The following TG variants were observed in gnomAD, a reference collection of about 807,000 sequenced individuals.
TG encodes the protein thyroglobulin.
TG carries 270 observed loss-of-function variants against 324.7 expected under a neutral mutation model. The ratio of observed to expected loss-of-function variants is 0.83; its 90% CI spans 0.75 to 0.92. The LOEUF (loss-of-function observed/expected upper bound fraction) is 0.92, where lower values mean the gene tolerates loss of function less well. Ranked by LOEUF, TG falls within the 40% of genes least tolerant of loss-of-function variation. The pLI is 0.00. For missense variants in TG, 3,591 were observed against 3,456.4 expected (o/e 1.04, Z -0.98); for synonymous variants, 1,401 against 1,327.0 (o/e 1.06, Z -1.21).
In TG at chr8:133,022,068, C is replaced by T. The variant is rs748645110; in HGVS notation, c.6954C>T (p.Asp2318=). 8.7e-6 allele frequency: 14 copies of T among 1,614,064 alleles called. No individual in the cohort carries two copies. Among genetic ancestry groups the T allele is most frequent in the South Asian group, 3.3e-5 (3 of 91,088 alleles). ...AGAGTGAAGGATGGCCGGCTATCGA[C>T]GGCTCCTTCTTGGCTGCTGTTGGCA... The part of the protein sequence containing the change: ...REESEGWPAI[D]GSFLAAVGNL... The change falls in exon 40 of 48, where the codon GAC becomes GAT. Residue 2318 remains aspartate (D), a synonymous_variant. Coordinates refer to ENST00000220616, the MANE Select transcript of TG (RefSeq NM_003235.5).
intron 18 of TG, 73 bp from the exon 19 acceptor site, chr8:132,911,304 T>G (rs1353771364): frequency 1.2e-6 from 2 of 1,613,470 alleles, no homozygotes; most frequent in African/African-American, 2.7e-5. Flanking sequence ...CAAGTTCTGG[T>G]TCCTGGTGTG....
At chr8:133,038,510 G>C (rs377435106) in intron 41 of TG, 82 of 1,581,670 alleles carry the variant, frequency 5.2e-5, no homozygotes, top group Non-Finnish European at 6.5e-5. Flanking sequence ...ATGAACCATT[G>C]TGTCTGTTCT....
Position 133,011,765 on chromosome 8 carries a change from A to G in TG, c.6263-136A>G, listed in dbSNP as rs1245352578. The G allele has an allele frequency of 4.8e-6, 5 of 1,034,068 alleles. No individual in the cohort carries two copies. The African/African-American group carries it at 7.9e-5, about 16-fold the overall frequency. 64.1% of individuals were successfully genotyped at this position (1,034,068 alleles called of 1,614,324 possible). On this transcript the variant is annotated intron_variant, in intron 35 of 47. Transcript: ENST00000220616. ...GTAGAATGGAAAGATGGATCAAGCT[A>G]TAAGGTTGCACAGGAATGGAGACCA...
chr8:132,969,340 A>G (rs1012717226), intron 31 of TG, 118 bp from the exon 32 acceptor site: 28 of 759,526 alleles, frequency 3.7e-5, no homozygotes, highest in Middle Eastern at 3.4e-4. Context: ...GTTTAATATG[A>G]ATTTAATATG....
rs538653920 is a variant in TG, at chr8:132,939,123, G to A, written c.5042-2228G>A. ...GGTGCCCTATGTGGAAGATACCAAG[G>A]GGAGCTGAGATGTGGCCCTGGACTC... is the stretch of plus-strand genomic sequence containing the variant. On this transcript the variant is annotated intron_variant, in intron 25 of 47. Transcript: ENST00000220616. 2.2e-4 allele frequency among the ~76,000 whole-genome samples: 34 copies of A among 151,984 alleles called. No homozygotes were observed. In the South Asian group the frequency reaches 6.7e-3, roughly 30 times the overall value.
chr8:133,113,749 G>A (rs751511287), intron 44 of TG, 146 bp downstream of exon 44: 1 of 967,744 alleles, frequency 1.0e-6, no homozygotes, highest in Admixed American at 2.3e-5. Context: ...CTACAGCATG[G>A]GGAGTGTCCC....
At chr8:132,908,790 G>A (rs1439453312) in intron 18 of TG, among the ~76,000 whole-genome samples, 4 of 152,176 alleles carry the variant, frequency 2.6e-5, no homozygotes, top group Non-Finnish European at 4.4e-5. Context: ...TGAGAGGGAC[G>A]CTGGTGAGAT....
intron 8 of TG, among the ~76,000 whole-genome samples, chr8:132,883,400 TAAG>T (rs895560406): frequency 3.3e-5 from 5 of 152,070 alleles, no homozygotes; most frequent in African/African-American, 1.2e-4. Context: ...CAGAATCTTC[TAAG>T]AAGATGTTTC....
intron 43 of TG, among the ~76,000 whole-genome samples, chr8:133,099,874 T>C (rs2131675669): frequency 6.6e-6 from 1 of 152,290 alleles, no homozygotes; most frequent in South Asian, 2.1e-4. Flanking sequence ...TATTTGAGAT[T>C]TTTGTGCTAG....
At chr8:133,014,663 G>A (rs1404818512) in intron 37 of TG, among the ~76,000 whole-genome samples, 2 of 152,184 alleles carry the variant, frequency 1.3e-5, no homozygotes. Flanking sequence ...CCAAGTAGCA[G>A]CAGATTTGGC....
At chr8:133,000,551 C>T (rs753615514) in intron 35 of TG, among the ~76,000 whole-genome samples, 1 of 152,190 alleles carries the variant, frequency 6.6e-6, no homozygotes, top group Non-Finnish European at 1.5e-5. Context: ...AGTGGTCCTT[C>T]CTTAAAATGT....
At chr8:132,942,496 G>T (rs751568938) in intron 26 of TG, among the ~76,000 whole-genome samples, 3 of 152,120 alleles carry the variant, frequency 2.0e-5, no homozygotes, top group Non-Finnish European at 4.4e-5. Context: ...TCTTGTTATG[G>T]TTCTCACTTA....
rs191999585 is a variant in TG, at chr8:133,058,980, C to T, written c.7239+28957C>T. On this transcript the variant is annotated intron_variant, in intron 41 of 47. Coordinates refer to ENST00000220616, the MANE Select transcript of TG (RefSeq NM_003235.5). ...GGGGGCATTGGAGGCCATCAGACCA[C>T]ACAAGCTGGGCCTGTCCATTTTGGA... 1,014 of 472,100 alleles carry T rather than the reference C, an allele frequency of 2.1e-3. 7 individuals carry two copies. Among genetic ancestry groups the T allele is most frequent in the South Asian group, 9.2e-3 (607 of 65,896 alleles). 29.2% of individuals were successfully genotyped at this position (472,100 alleles called of 1,614,324 possible). A position where few individuals can be genotyped will look rare whatever the true frequency, so the allele number is the denominator to read the frequency against.
rs751003506 is a variant in TG at position 132,897,825 on chromosome 8, C to T, written c.3139+39C>T. 5 of 1,612,736 alleles carry T rather than the reference C, an allele frequency of 3.1e-6. No individual in the cohort carries two copies. The South Asian group carries it at 5.5e-5, about 18-fold the overall frequency. On this transcript the variant is annotated intron_variant, in intron 12 of 47. Coordinates refer to ENST00000220616, the MANE Select transcript of TG (RefSeq NM_003235.5). ...GGCACCTTCAGGTGGCCAAGTGACA[C>T]CCCTTTTTTATTTTAGAGGACAGAG...
chr8:133,095,624 G>A (rs1021012879), intron 42 of TG, among the ~76,000 whole-genome samples: 2 of 152,168 alleles, frequency 1.3e-5, no homozygotes, highest in African/African-American at 2.4e-5. Flanking sequence ...GTGTATTTGA[G>A]TCACTTCACT....
chr8:133,050,881 G>A, intron 41 of TG: 1 of 1,613,850 alleles, frequency 6.2e-7, no homozygotes, highest in Non-Finnish European at 8.5e-7. Flanking sequence ...GAGACGGGTA[G>A]TCACTTAGCA....
At chr8:132,906,928 C>T (rs1218695221) in intron 17 of TG, 28 bp downstream of exon 17, 2 of 1,586,360 alleles carry the variant, frequency 1.3e-6, no homozygotes, top group South Asian at 1.1e-5. Flanking sequence ...ATCTATCCTG[C>T]ACCCCGCTCC....
intron 38 of TG, among the ~76,000 whole-genome samples, chr8:133,018,579 A>G (rs1259907635): frequency 6.6e-6 from 1 of 152,060 alleles, no homozygotes; most frequent in African/African-American, 2.4e-5. Context: ...CCTCATCAAA[A>G]ATTTCATTTT....
intron 1 of TG, among the ~76,000 whole-genome samples, chr8:132,867,420 A>G (rs571167893): frequency 3.9e-5 from 6 of 152,226 alleles, no homozygotes; most frequent in African/African-American, 1.4e-4. Flanking sequence ...GGTATTTTAG[A>G]AGCAGTAGAA....
Sources: gnomAD v4.1 joint callset for allele counts (sites outside exome capture counted in the v4.1 genomes callset) on GRCh38, gnomAD v4.1.1 for gene constraint, MANE v1.5 for transcripts, NCBI Gene and HGNC (gene_info 2026-07-23, HGNC 2026-07-21) for gene names.